ZFHX3: variants seen among roughly 807,000 people sequenced by gnomAD.
ZFHX3 encodes the protein zinc finger homeobox protein 3.
A neutral mutation model predicts 279.1 loss-of-function variants in ZFHX3; 42 were observed. The ratio of observed to expected loss-of-function variants is 0.15; its 90% CI spans 0.12 to 0.19. The LOEUF (loss-of-function observed/expected upper bound fraction) is 0.19, where lower values mean the gene tolerates loss of function less well. Among genes scored for constraint, ZFHX3 ranks in the 10% least tolerant of loss-of-function variants. The probability of loss-of-function intolerance (pLI) is 1.00; values close to 1 mark genes in which losing one functional copy is unlikely to be tolerated. For missense variants in ZFHX3, 4,981 were observed against 4,754.0 expected (o/e 1.05, Z -1.40); for synonymous variants, 2,293 against 1,957.8 (o/e 1.17, Z -4.52).
chr16:73,290,580 G>A (rs1306688098), intron 4 of ZFHX3, among the ~76,000 whole-genome samples: 1 of 152,210 alleles, frequency 6.6e-6, no homozygotes, highest in Non-Finnish European at 1.5e-5. Context: ...ACAGGGAAGA[G>A]AGGTGGAAAA....
intron 1 of ZFHX3, among the ~76,000 whole-genome samples, chr16:73,754,242 A>G (rs1293660016): frequency 2.0e-5 from 3 of 152,172 alleles, no homozygotes; most frequent in Non-Finnish European, 1.5e-5. Flanking sequence ...CTGATCTACT[A>G]TCTTACTGCT....
chr16:73,429,555 A>C (rs1226086733), intron 3 of ZFHX3, among the ~76,000 whole-genome samples: 3 of 150,718 alleles, frequency 2.0e-5, no homozygotes, highest in Non-Finnish European at 4.4e-5. Flanking sequence ...CTGGTCTTGA[A>C]CTCCTGGCCT....
In ZFHX3 at chr16:73,831,520, G is replaced by A. The variant is rs7197431; in HGVS notation, c.-1608+60131C>T. On this transcript the variant is annotated intron_variant, in intron 1 of 17. Coordinates refer to the ZFHX3 transcript ENST00000641206. ...GCACTCAGAAATTCATCTACACGAC[G>A]CCTATTAACATTCACGGGAATGGCT... Among the ~76,000 whole-genome samples, 370 of 152,292 alleles carry A rather than the reference G, an allele frequency of 2.4e-3. 3 individuals carry two copies. The highest frequency in any genetic ancestry group is 8.4e-3 in the African/African-American group (348 of 41,554).
intron 5 of ZFHX3, among the ~76,000 whole-genome samples, chr16:73,157,406 T>C (rs1472565651): frequency 7.0e-6 from 1 of 143,548 alleles, no homozygotes; most frequent in Non-Finnish European, 1.5e-5. Context: ...ACAGGTTAAC[T>C]TCATTCTTGG....
chr16:72,832,214 TCA>T (rs2037076884), intron 4 of ZFHX3, among the ~76,000 whole-genome samples: 1 of 152,052 alleles, frequency 6.6e-6, no homozygotes, highest in Non-Finnish European at 1.5e-5. Context: ...CACTAAAAAC[TCA>T]CAGTCACCCA....
intron 5 of ZFHX3, among the ~76,000 whole-genome samples, chr16:73,215,478 T>C (rs1320738068): frequency 6.6e-6 from 1 of 152,234 alleles, no homozygotes; most frequent in Non-Finnish European, 1.5e-5. Context: ...AGTTCCTAAA[T>C]GTTTCAACCA....
chr16:73,525,032 C>T (rs2019668322), intron 2 of ZFHX3, among the ~76,000 whole-genome samples: 2 of 152,126 alleles, frequency 1.3e-5, no homozygotes, highest in South Asian at 4.1e-4. Flanking sequence ...AACCCCCATG[C>T]CGTAAAGACA....
chr16:73,203,918 T>A (rs1217951669), intron 5 of ZFHX3, among the ~76,000 whole-genome samples: 1 of 152,238 alleles, frequency 6.6e-6, no homozygotes, highest in Non-Finnish European at 1.5e-5. Context: ...GGAATTGTTC[T>A]AAGAATTAGC....
chr16:73,760,996 GA>G (rs34146928), intron 1 of ZFHX3, among the ~76,000 whole-genome samples: 66,733 of 141,982 alleles, frequency 0.47, 15,272 homozygotes, highest in Non-Finnish European at 0.51. Flanking sequence ...GCAAGAAAAA[GA>G]AAAAAAAAAA....
intron 1 of ZFHX3, among the ~76,000 whole-genome samples, chr16:73,045,072 A>C (rs1207749848): frequency 2.6e-5 from 4 of 152,240 alleles, no homozygotes; most frequent in Admixed American, 2.6e-4. Flanking sequence ...TAATTTCTTA[A>C]GTAAGGGTCT....
chr16:72,921,786 G>A (rs559183441), intron 3 of ZFHX3, among the ~76,000 whole-genome samples: 4 of 152,312 alleles, frequency 2.6e-5, no homozygotes, highest in South Asian at 2.1e-4. Context: ...GGAAGCTGGC[G>A]GGGGCCTTGT....
intron 1 of ZFHX3, among the ~76,000 whole-genome samples, chr16:73,857,322 A>C (rs1414782002): frequency 7.2e-5 from 11 of 152,236 alleles, no homozygotes; most frequent in Non-Finnish European, 2.9e-5. Context: ...TTTGGAGAAT[A>C]AATGAGTAAA....
At chr16:73,612,453 T>C (rs1036877188) in intron 2 of ZFHX3, among the ~76,000 whole-genome samples, 4 of 152,210 alleles carry the variant, frequency 2.6e-5, no homozygotes, top group Non-Finnish European at 5.9e-5. Context: ...AGAATGGGGT[T>C]CCTAGAATGT....
chr16:73,551,926 G>T (rs1347132889), intron 2 of ZFHX3, among the ~76,000 whole-genome samples: 1 of 152,156 alleles, frequency 6.6e-6, no homozygotes, highest in Admixed American at 6.5e-5. Context: ...ATATAAACAA[G>T]TATCATCAAC....
intron 1 of ZFHX3, among the ~76,000 whole-genome samples, chr16:72,978,210 A>G (rs1962436983): frequency 6.6e-6 from 1 of 151,962 alleles, no homozygotes; most frequent in South Asian, 2.1e-4. Context: ...AGCATTCACG[A>G]CCCAGCCCTT....
intron 1 of ZFHX3, among the ~76,000 whole-genome samples, chr16:73,682,994 AGAAAGAAAGAAAGAAAG>A (rs2053041324): frequency 2.3e-5 from 1 of 43,626 alleles, no homozygotes; most frequent in Non-Finnish European, 5.9e-5. Context: ...AAGAAAGAAA[AGAAAGAAAGAAAGAAAG>A]AGAAAGGAGG....
intron 5 of ZFHX3, among the ~76,000 whole-genome samples, chr16:73,249,366 A>C (rs1408528068): frequency 2.6e-5 from 4 of 152,238 alleles, no homozygotes; most frequent in African/African-American, 9.6e-5. Context: ...AAGAATGGGT[A>C]ATTTATAAGA....
intron 2 of ZFHX3, among the ~76,000 whole-genome samples, chr16:73,603,772 C>CTT (rs11459049): frequency 0.024 from 2,545 of 105,452 alleles, 250 homozygotes; most frequent in African/African-American, 0.083. Flanking sequence ...AAAAAATACG[C>CTT]TTTTTTTTTT....
At chr16:72,825,470 G>A (rs2036908053) in intron 5 of ZFHX3, among the ~76,000 whole-genome samples, 1 of 152,242 alleles carries the variant, frequency 6.6e-6, no homozygotes, top group Admixed American at 6.5e-5. Context: ...AAGCCAGTGT[G>A]TAAATCTGAA....
Sources: allele counts gnomAD v4.1 joint callset (sites outside exome capture counted in the v4.1 genomes callset), GRCh38; gene constraint gnomAD v4.1.1; transcripts MANE v1.5; gene names NCBI Gene and HGNC (gene_info 2026-07-23, HGNC 2026-07-21).